Variants in N4BP2 observed in about 807,000 individuals in gnomAD.
N4BP2 encodes NEDD4 binding protein 2.
Under a neutral mutation model 152.8 loss-of-function variants are expected in N4BP2, and 91 were observed. The observed-to-expected ratio is 0.60, with a 90% CI of 0.50 to 0.71. The LOEUF is 0.71. Among genes scored for constraint, N4BP2 ranks in the 30% least tolerant of loss-of-function variants. The probability of loss-of-function intolerance (pLI) is 0.00; values close to 1 mark genes in which losing one functional copy is unlikely to be tolerated. For missense variants in N4BP2, 1,923 were observed against 2,059.1 expected, an observed-to-expected ratio of 0.93 and a Z score of 1.28; for synonymous variants, 646 against 705.3, an observed-to-expected ratio of 0.92 and a Z score of 1.33.
intron 2 of N4BP2, among the ~76,000 whole-genome samples, chr4:40,089,309 G>A (rs2109935287): frequency 6.6e-6 from 1 of 152,112 alleles, no homozygotes; most frequent in South Asian, 2.1e-4. Flanking sequence ...TTAGATATTA[G>A]TCCTTATCCT....
intron 7 of N4BP2, among the ~76,000 whole-genome samples, chr4:40,117,083 G>T (rs1470855641): frequency 6.6e-6 from 1 of 151,804 alleles, no homozygotes; most frequent in African/African-American, 2.4e-5. Flanking sequence ...ATCTTGTTTG[G>T]CATTTGTTGG....
At chr4:40,137,822 G>A (rs116336507) in intron 14 of N4BP2, among the ~76,000 whole-genome samples, 2,855 of 152,294 alleles carry the variant, frequency 0.019, 99 homozygotes, top group African/African-American at 0.065. Context: ...GGATTGGCTA[G>A]TTTAAATAAT....
In N4BP2 at chr4:40,136,986, TG is replaced by T; in HGVS notation, c.4690del (p.Glu1564LysfsTer5). ...CAGTGCAATTTCTTAACTGTGTTCT[TG>T]AAGGGGACCCTGTAAAAACAGTTGT... ...HTVQFLNCVL[E>X]GDPVKTVVAQ... On this transcript the variant is annotated frameshift_variant, in exon 14 of 18. Transcript: ENST00000261435. LOFTEE classifies it high-confidence loss of function. The T allele has an allele frequency of 6.2e-7, 1 of 1,613,662 alleles. No homozygotes were observed. The highest frequency in any genetic ancestry group is 8.5e-7 in the Non-Finnish European group (1 of 1,179,692).
At chr4:40,057,621 C>T (rs1463521505) in intron 1 of N4BP2, among the ~76,000 whole-genome samples, 1 of 152,182 alleles carries the variant, frequency 6.6e-6, no homozygotes, top group African/African-American at 2.4e-5. Flanking sequence ...TCCCCTGCCC[C>T]CATCTGCAAC....
the N4BP2 span, among the ~76,000 whole-genome samples, chr4:40,185,365 T>C: frequency 6.6e-6 from 1 of 152,218 alleles, no homozygotes; most frequent in Non-Finnish European, 1.5e-5. Flanking sequence ...TAAAAGGCTA[T>C]TGTAAATTGA....
the N4BP2 span, among the ~76,000 whole-genome samples, chr4:40,172,360 A>G: frequency 2.6e-5 from 4 of 152,164 alleles, no homozygotes; most frequent in African/African-American, 9.7e-5. Context: ...TCCTTTGGCA[A>G]CATCCTCACA....
At chr4:40,072,762 G>C (rs1712337525) in intron 1 of N4BP2, among the ~76,000 whole-genome samples, 1 of 147,886 alleles carries the variant, frequency 6.8e-6, no homozygotes, top group African/African-American at 2.5e-5. Context: ...GCCTCTCTCT[G>C]TTGCCCACGC....
chr4:40,141,848 G>A (rs1720011144), intron 14 of N4BP2, among the ~76,000 whole-genome samples: 1 of 152,224 alleles, frequency 6.6e-6, no homozygotes, highest in Admixed American at 6.5e-5. Context: ...CACCTCGGGA[G>A]GCCGAGGCTG....
chr4:40,074,959 C>T (rs143802649), intron 2 of N4BP2, among the ~76,000 whole-genome samples: 79 of 151,708 alleles, frequency 5.2e-4, no homozygotes, highest in African/African-American at 1.8e-3. Flanking sequence ...GTGAGCTGAG[C>T]TCTTGCCACT....
intron 16 of N4BP2, among the ~76,000 whole-genome samples, chr4:40,145,245 A>G (rs567110644): frequency 7.3e-5 from 11 of 151,390 alleles, no homozygotes; most frequent in Non-Finnish European, 1.5e-4. Context: ...TTTTTCTGAG[A>G]CATAATCTCA....
chr4:40,163,137 C>G (rs981100568), downstream of N4BP2, among the ~76,000 whole-genome samples: 4 of 152,204 alleles, frequency 2.6e-5, no homozygotes, highest in Admixed American at 1.3e-4. Flanking sequence ...CTTTGAAGCA[C>G]AGGAGAATTA....
intron 10 of N4BP2, among the ~76,000 whole-genome samples, chr4:40,123,490 C>CT (rs1362462781): frequency 6.6e-6 from 1 of 150,954 alleles, no homozygotes; most frequent in Non-Finnish European, 1.5e-5. Context: ...TTTTTTATAT[C>CT]TTTTTTCTAT....
In N4BP2 at chr4:40,126,280, C is replaced by A; in HGVS notation, c.4477C>A (p.Leu1493Ile). Residue 1493 changes from leucine (L) to isoleucine (I), a missense_variant, in exon 12 of 18, where the codon CTC becomes ATC. Leu to Ile is a conservative substitution (Grantham distance 5, BLOSUM62 2). Coordinates refer to ENST00000261435, the MANE Select transcript of N4BP2 (RefSeq NM_018177.6). The stretch of plus-strand genomic sequence containing the variant: ...GAATACTCAAACTAAAAAAGTATCA[C>A]TCAGAGAAATAATGTCAGAAGAAAT... ...HWNTQTKKVS[L>I]REIMSEEIAL... The A allele has an allele frequency of 6.3e-7, 1 of 1,587,514 alleles. No individual in the cohort carries two copies. The highest frequency in any genetic ancestry group is 8.6e-7 in the Non-Finnish European group (1 of 1,166,340).
At chr4:40,060,434 G>T (rs1355564269) in intron 1 of N4BP2, among the ~76,000 whole-genome samples, 2 of 151,892 alleles carry the variant, frequency 1.3e-5, no homozygotes, top group African/African-American at 4.8e-5. Context: ...GAGTAGTGAT[G>T]GGGTTACACC....
At chr4:40,083,724 G>C (rs770868673) in intron 2 of N4BP2, among the ~76,000 whole-genome samples, 3 of 152,154 alleles carry the variant, frequency 2.0e-5, no homozygotes, top group Non-Finnish European at 2.9e-5. Flanking sequence ...GTTTCTTCTT[G>C]AGTTAATAGA....
intron 7 of N4BP2, among the ~76,000 whole-genome samples, chr4:40,115,082 T>C (rs1270709859): frequency 6.6e-6 from 1 of 152,230 alleles, no homozygotes; most frequent in African/African-American, 2.4e-5. Context: ...TAATTTCTGC[T>C]TCTCATTATT....
chr4:40,150,676 G>GAAA (rs10675156), intron 16 of N4BP2, among the ~76,000 whole-genome samples: 38,140 of 146,080 alleles, frequency 0.26, 5,385 homozygotes, highest in East Asian at 0.55. Context: ...GTCTCAGGGG[G>GAAA]AAAAAAAAAA....
chr4:40,060,683 G>A (rs1733587954), intron 1 of N4BP2, among the ~76,000 whole-genome samples: 1 of 150,100 alleles, frequency 6.7e-6, no homozygotes. Context: ...GCTCACTGTA[G>A]CCTTGAATTC....
the N4BP2 span, chr4:40,167,004 A>C: frequency 6.6e-6 from 1 of 152,240 alleles, no homozygotes; most frequent in Non-Finnish European, 1.5e-5. Flanking sequence ...ACATAGTGAA[A>C]ATGTCATACT....
Sources: gnomAD v4.1 joint callset for allele counts (sites outside exome capture counted in the v4.1 genomes callset) on GRCh38, gnomAD v4.1.1 for gene constraint, MANE v1.5 for transcripts, NCBI Gene and HGNC (gene_info 2026-07-23, HGNC 2026-07-21) for gene names.